The following SPRY1 variants were observed in gnomAD, a reference collection of about 807,000 sequenced individuals.
SPRY1 encodes sprouty RTK signaling antagonist 1.
In SPRY1, 20 loss-of-function variants were observed where a neutral mutation model predicts 22.6. The observed-to-expected ratio is 0.89, with a 90% confidence interval of 0.62 to 1.29. The LOEUF (loss-of-function observed/expected upper bound fraction) is 1.29, where lower values mean the gene tolerates loss of function less well. SPRY1 is among the 50% of genes most tolerant of loss of function. The pLI is 0.00. For missense variants in SPRY1, 446 were observed against 387.7 expected (o/e 1.15, Z -1.26); for synonymous variants, 155 against 144.7 (o/e 1.07, Z -0.51).
Position 123,401,778 on chromosome 4 carries a change from C to A in SPRY1, c.187C>A (p.Pro63Thr). The A allele has an allele frequency of 6.2e-7, 1 of 1,614,202 alleles. No homozygotes were observed. The highest frequency in any genetic ancestry group is 8.5e-7 in the Non-Finnish European group (1 of 1,180,044). Residue 63 changes from proline to threonine, a missense_variant, in exon 3 of 3, where the codon CCT becomes ACT. Coordinates refer to ENST00000651917, the MANE Select transcript of SPRY1 (RefSeq NM_001258038.2). ...YTEGPSVVKR[P>T]APRTAPRQEK... ...AGAAGGGCCTTCGGTGGTGAAAAGA[C>A]CTGCTCCTCGGACAGCACCAAGACA... is the stretch of plus-strand genomic sequence containing the variant.
chr4:123,397,413 C>CA (rs960328130), intron 1 of SPRY1, among the ~76,000 whole-genome samples, 198 bp from the exon 2 acceptor site: 1 of 152,154 alleles, frequency 6.6e-6, no homozygotes, highest in African/African-American at 2.4e-5. Flanking sequence ...AGCACCTCGG[C>CA]AAAAACGTGC....
At chr4:123,401,138 A>G (rs1165239607) in intron 2 of SPRY1, among the ~76,000 whole-genome samples, 1 of 152,196 alleles carries the variant, frequency 6.6e-6, no homozygotes, top group East Asian at 1.9e-4. Context: ...ATTTTCCTTT[A>G]TGGAAGCCAC....
intron 2 of SPRY1, among the ~76,000 whole-genome samples, chr4:123,399,117 C>A (rs980369063): frequency 7.4e-6 from 1 of 134,368 alleles, no homozygotes; most frequent in African/African-American, 2.5e-5. Flanking sequence ...TGGCTCACGC[C>A]TGTAATCCCA....
Position 123,400,831 on chromosome 4 carries a change from T to G in SPRY1, c.-55-706T>G, listed in dbSNP as rs550900700. Among the ~76,000 whole-genome samples, 587 of 152,302 alleles carry G rather than the reference T, an allele frequency of 3.9e-3. 6 individuals are homozygous for G. The highest frequency in any genetic ancestry group is 5.1e-3 in the Non-Finnish European group (350 of 68,020). On this transcript the variant is annotated intron_variant, in intron 2 of 2. Coordinates refer to ENST00000651917, the MANE Select transcript of SPRY1 (RefSeq NM_001258038.2). ...CTCAGGATTTCAAATATGAGTACTG[T>G]TATATATCATTCACTGGACTATACA...
In SPRY1 at chr4:123,401,379, G is replaced by A. The variant is rs572482262; in HGVS notation, c.-55-158G>A. Among the ~76,000 whole-genome samples the A allele has an allele frequency of 2.6e-5, 4 of 152,122 alleles. No homozygotes were observed. In the South Asian group the frequency reaches 8.3e-4, roughly 32 times the overall value. On this transcript the variant is annotated intron_variant, in intron 2 of 2. Transcript: ENST00000651917. Reference sequence around the variant, plus strand: ...TGGTCCCCAGCCTCTCCTAGAATTGGACTCTGGCCAGGACCCCAGCATCAT... The same window carrying A: ...TGGTCCCCAGCCTCTCCTAGAATTGAACTCTGGCCAGGACCCCAGCATCAT...
In SPRY1 at chr4:123,402,363, C is replaced by G; in HGVS notation, c.772C>G (p.Leu258Val). ...ACAATCACACTGCTGCTCTAGATAC[C>G]TGTGTATGGGAGCCATGTCTTTATT... ...CSQSHCCSRY[L>V]CMGAMSLFLP... The change falls in exon 3 of 3, where the codon CTG becomes GTG. Residue 258 changes from leucine to valine, a missense_variant. Leu to Val is a conservative substitution (Grantham distance 32). Coordinates refer to ENST00000651917, the MANE Select transcript of SPRY1 (RefSeq NM_001258038.2). 6.2e-7 allele frequency: 1 copy of G among 1,614,170 alleles called. No individual in the cohort carries two copies. Among genetic ancestry groups the G allele is most frequent in the African/African-American group, 1.3e-5 (1 of 75,052 alleles).
chr4:123,399,483 C>T (rs1489694152), intron 2 of SPRY1: 2 of 152,354 alleles, frequency 1.3e-5, no homozygotes, highest in Admixed American at 1.3e-4. Flanking sequence ...TCATTCATAA[C>T]TTTTTCCTTT....
chr4:123,400,839 C>T (rs929570190), intron 2 of SPRY1, among the ~76,000 whole-genome samples: 3 of 152,088 alleles, frequency 2.0e-5, no homozygotes, highest in Non-Finnish European at 2.9e-5. Flanking sequence ...TGTTATATAT[C>T]ATTCACTGGA....
intron 2 of SPRY1, chr4:123,399,827 A>G (rs1725077574): frequency 6.6e-6 from 1 of 152,256 alleles, no homozygotes; most frequent in Admixed American, 6.5e-5. Flanking sequence ...TTCTTGGGGA[A>G]GGCAGTGTGC....
chr4:123,402,410 T>C lies in SPRY1; in HGVS notation c.819T>C (p.Tyr273=). Residue 273 remains tyrosine, a synonymous_variant, in exon 3 of 3, where the codon TAT becomes TAC. Coordinates refer to ENST00000651917, the MANE Select transcript of SPRY1 (RefSeq NM_001258038.2). ...MSLFLPCLLC[Y]PPAKGCLKLC... ...TATTTTTACCTTGCTTACTCTGTTA[T>C]CCTCCTGCTAAAGGATGCCTGAAGC... 6.2e-7 allele frequency: 1 copy of C among 1,614,190 alleles called. No individual in the cohort carries two copies. Among genetic ancestry groups the C allele is most frequent in the South Asian group, 1.1e-5 (1 of 91,086 alleles).
chr4:123,401,022 A>G (rs781696001), intron 2 of SPRY1, among the ~76,000 whole-genome samples: 2 of 152,166 alleles, frequency 1.3e-5, no homozygotes, highest in Non-Finnish European at 2.9e-5. Context: ...AAGAGTCTCA[A>G]TTTTTTAATG....
In SPRY1 at chr4:123,402,528, CG is replaced by C; in HGVS notation, c.941del (p.Gly314ValfsTer62). 1 of 1,613,408 alleles carries C rather than the reference CG, an allele frequency of 6.2e-7. No individual in the cohort carries two copies. Among genetic ancestry groups the C allele is most frequent in the Non-Finnish European group, 8.5e-7 (1 of 1,179,484 alleles). On this transcript the variant is annotated frameshift_variant, in exon 3 of 3. Transcript: ENST00000651917. LOFTEE classifies it high-confidence loss of function. ...VYCKLESCPS[R>X]GQGKPS ...TTGTAAGCTGGAGAGCTGCCCCTCC[CG>C]GGGTCAGGGTAAACCATCATGATTT...
Position 123,401,757 on chromosome 4 carries a change from G to C in SPRY1, c.166G>C (p.Gly56Arg), listed in dbSNP as rs1725164631. The change falls in exon 3 of 3, where the codon GGG becomes CGG. Residue 56 changes from glycine (G) to arginine (R), a missense_variant. Gly to Arg is a moderately radical substitution (Grantham distance 125). Coordinates refer to ENST00000651917, the MANE Select transcript of SPRY1 (RefSeq NM_001258038.2). ...AIRGSNEYTE[G>R]PSVVKRPAPR... ...AAGAGGCAGCAATGAATACACAGAA[G>C]GGCCTTCGGTGGTGAAAAGACCTGC... 8 of 1,614,196 alleles carry C rather than the reference G, an allele frequency of 5.0e-6. No homozygotes were observed. Among genetic ancestry groups the C allele is most frequent in the Non-Finnish European group, 6.8e-6 (8 of 1,180,046 alleles).
At chr4:123,398,548 G>C (rs1034935785) in intron 2 of SPRY1, 1 of 152,320 alleles carries the variant, frequency 6.6e-6, no homozygotes, top group South Asian at 2.1e-4. Context: ...CGGCCCGCTG[G>C]GCTGTAGGCG....
chr4:123,402,239 G>A lies in SPRY1; in HGVS notation c.648G>A (p.Val216=), dbSNP rs1483136952. ...GCCTTTGCTCTGCTGAGAGCATGGTGGAATATGGAACCTGCATGTGCTTAG... is the reference window on the plus strand; with the variant it reads ...GCCTTTGCTCTGCTGAGAGCATGGTAGAATATGGAACCTGCATGTGCTTAG... ...RQCLCSAESM[V]EYGTCMCLVK... The change falls in exon 3 of 3, where the codon GTG becomes GTA. Residue 216 remains valine (V), a synonymous_variant. Transcript: ENST00000651917. The A allele has an allele frequency of 1.2e-6, 2 of 1,614,106 alleles. No individual in the cohort carries two copies. The highest frequency in any genetic ancestry group is 1.7e-5 in the Admixed American group (1 of 60,010).
intron 2 of SPRY1, among the ~76,000 whole-genome samples, chr4:123,398,764 A>T (rs953838228): frequency 6.6e-6 from 1 of 152,036 alleles, no homozygotes; most frequent in Non-Finnish European, 1.5e-5. Flanking sequence ...GGAACGTAAC[A>T]GGACAGGGTC....
Position 123,401,180 on chromosome 4 carries a change from G to T in SPRY1, c.-55-357G>T, listed in dbSNP as rs185509006. Among the ~76,000 whole-genome samples, 483 of 152,298 alleles carry T rather than the reference G, an allele frequency of 3.2e-3. 8 individuals carry two copies. Among genetic ancestry groups the T allele is most frequent in the Middle Eastern group, 0.017 (5 of 294 alleles). ...ACTGATAACTGAGCTTTCTTTAGAT[G>T]AGAGTTATTCTCCTGCTTATACTCA... is the stretch of plus-strand genomic sequence containing the variant. On this transcript the variant is annotated intron_variant, in intron 2 of 2. Coordinates refer to ENST00000651917, the MANE Select transcript of SPRY1 (RefSeq NM_001258038.2).
In SPRY1 at chr4:123,402,946, G is replaced by C; in HGVS notation, c.*395G>C. 1 of 429,904 alleles carries C rather than the reference G, an allele frequency of 2.3e-6. No individual in the cohort carries two copies. Among genetic ancestry groups the C allele is most frequent in the Non-Finnish European group, 4.3e-6 (1 of 235,206 alleles). 26.6% of individuals were successfully genotyped at this position (429,904 alleles called of 1,614,324 possible). On this transcript the variant is annotated 3_prime_UTR_variant, in exon 3 of 3. Transcript: ENST00000651917. ...AGCAGGGAAATTGGTTTTTTAAAAA[G>C]CAACTGTTTAATTGCTTAAATAAGC...
rs987055606 is a variant in SPRY1, at chr4:123,403,519, G to T, written c.*968G>T. The T allele has an allele frequency of 2.4e-5, 4 of 166,974 alleles. No individual in the cohort carries two copies. The highest frequency in any genetic ancestry group is 6.6e-5 in the Admixed American group (1 of 15,262). 10.3% of individuals were successfully genotyped at this position (166,974 alleles called of 1,614,324 possible). A position where few individuals can be genotyped will look rare whatever the true frequency, so the allele number is the denominator to read the frequency against. ...TTGTGGTGCTTTTTGTATATTTTAT[G>T]TATAAATCACAAAGTTGAATTCTGA... On this transcript the variant is annotated 3_prime_UTR_variant, in exon 3 of 3. Transcript: ENST00000651917.
Sources: gnomAD v4.1 joint callset for allele counts (sites outside exome capture counted in the v4.1 genomes callset) on GRCh38, gnomAD v4.1.1 for gene constraint, MANE v1.5 for transcripts, NCBI Gene and HGNC (gene_info 2026-07-23, HGNC 2026-07-21) for gene names.